The following ARHGEF3 variants were observed in gnomAD, a reference collection of about 807,000 sequenced individuals.
ARHGEF3 encodes the protein Rho guanine nucleotide exchange factor 3, also known as 59.8 kDA protein.
ARHGEF3 carries 28 observed loss-of-function variants against 63.2 expected under a neutral mutation model. That is an observed-to-expected ratio of 0.44 (90% CI 0.33 to 0.61). The LOEUF (loss-of-function observed/expected upper bound fraction) is 0.61. Ranked by LOEUF, ARHGEF3 falls within the 20% of genes least tolerant of loss-of-function variation. The probability of loss-of-function intolerance (pLI) is 0.03; values close to 1 mark genes in which losing one functional copy is unlikely to be tolerated. For synonymous variants in ARHGEF3, 266 were observed against 254.2 expected (o/e 1.05, Z -0.44); for missense variants, 533 against 659.3 (o/e 0.81, Z 2.10).
rs145815721 is a variant in ARHGEF3 at position 57,048,086 on chromosome 3, G to A, written c.-27-12910C>T. Among the ~76,000 whole-genome samples the A allele has an allele frequency of 2.1e-3, 318 of 152,138 alleles. 2 individuals carry two copies. The highest frequency in any genetic ancestry group is 7.2e-3 in the African/African-American group (300 of 41,508). On this transcript the variant is annotated intron_variant, in intron 1 of 12. Transcript: ENST00000338458. ...CCCCTTCCTGCTGGCCCAGACACGC[G>A]CTGGCCTTCAGAGGATCCAGGTCTT...
intron 3 of ARHGEF3, among the ~76,000 whole-genome samples, chr3:56,944,791 T>C (rs1405529364): frequency 6.6e-6 from 1 of 151,734 alleles, no homozygotes; most frequent in East Asian, 1.9e-4. Flanking sequence ...GCTGGCCAGG[T>C]TGGCCTTGAA....
Position 56,959,434 on chromosome 3 carries a change from A to AG in ARHGEF3, c.63-546dup, listed in dbSNP as rs201947682. On this transcript the variant is annotated intron_variant, in intron 2 of 12. Transcript: ENST00000338458. ...GAATCAATTTCCTTAGAGGCAGTGG[A>AG]GGCAGCTTCAAGACAGACCAGCACA... is the stretch of plus-strand genomic sequence containing the variant. Among the ~76,000 whole-genome samples the AG allele has an allele frequency of 1.7e-3, 256 of 152,316 alleles. 3 individuals are homozygous for AG. In the East Asian group the frequency reaches 0.027, roughly 16 times the overall value.
At chr3:56,864,730 C>T (rs2040185971) in intron 4 of ARHGEF3, among the ~76,000 whole-genome samples, 1 of 152,064 alleles carries the variant, frequency 6.6e-6, no homozygotes, top group Admixed American at 6.6e-5. Flanking sequence ...CCTCAAGGAC[C>T]TTACAGTTTA....
At chr3:57,007,522 G>A (rs998752023) in intron 2 of ARHGEF3, among the ~76,000 whole-genome samples, 32 of 152,284 alleles carry the variant, frequency 2.1e-4, no homozygotes, top group Non-Finnish European at 4.3e-4. Context: ...TTGCTCACAG[G>A]GGATGGATGC....
intron 1 of ARHGEF3, among the ~76,000 whole-genome samples, chr3:57,065,222 G>T (rs1295451663): frequency 1.3e-5 from 2 of 152,220 alleles, no homozygotes; most frequent in African/African-American, 2.4e-5. Flanking sequence ...AGCACTTCGG[G>T]AGGCCGAGGC....
chr3:56,965,939 C>T (rs1483970363), intron 2 of ARHGEF3, among the ~76,000 whole-genome samples: 5 of 151,748 alleles, frequency 3.3e-5, no homozygotes, highest in South Asian at 2.1e-4. Flanking sequence ...TGAGCCACTG[C>T]GCCTGGCCAC....
chr3:56,856,852 T>G (rs1308789403), intron 4 of ARHGEF3, among the ~76,000 whole-genome samples: 1 of 152,014 alleles, frequency 6.6e-6, no homozygotes, highest in Non-Finnish European at 1.5e-5. Flanking sequence ...ATGAACCAAC[T>G]TACTCTTCAT....
chr3:56,841,852 A>C (rs559754082), intron 4 of ARHGEF3, among the ~76,000 whole-genome samples: 1 of 152,298 alleles, frequency 6.6e-6, no homozygotes, highest in South Asian at 2.1e-4. Context: ...AAATTCCCAA[A>C]ACAAGAAGTT....
At position 56,994,064 on chromosome 3, in the gene ARHGEF3, CAAAAAAAA is replaced by C. The variant is rs60299557; in HGVS notation, c.63-35183_63-35176del. 2.8e-4 allele frequency among the ~76,000 whole-genome samples: 17 copies of C among 59,732 alleles called. 2 individuals carry two copies. The highest frequency in any genetic ancestry group is 4.4e-4 in the East Asian group (1 of 2,258). The allele number at this position is 59,732 out of a possible 152,430, so 39.2% of individuals were successfully genotyped here. A position where few individuals can be genotyped will look rare whatever the true frequency, so the allele number is the denominator to read the frequency against. On this transcript the variant is annotated intron_variant, in intron 2 of 12. Transcript: ENST00000338458. ...GGGCGACAAGAGTGAAACTTCGTCT[CAAAAAAAA>C]AAAAAAAAAAAAAGCACACTGTAGA...
chr3:56,860,431 C>T (rs1458846055), intron 4 of ARHGEF3, among the ~76,000 whole-genome samples: 2 of 152,182 alleles, frequency 1.3e-5, no homozygotes, highest in East Asian at 3.8e-4. Context: ...AGTCCTTCCA[C>T]CTCAGCCTCC....
intron 2 of ARHGEF3, among the ~76,000 whole-genome samples, chr3:57,016,363 G>C (rs1703001368): frequency 6.9e-6 from 1 of 143,914 alleles, no homozygotes; most frequent in African/African-American, 2.7e-5. Context: ...TCAAGATAGT[G>C]AAACCCTGTC....
intron 4 of ARHGEF3, among the ~76,000 whole-genome samples, chr3:56,854,023 G>A (rs552451295): frequency 2.3e-4 from 35 of 152,158 alleles, no homozygotes; most frequent in Non-Finnish European, 3.2e-4. Context: ...GTGAAACCCC[G>A]TCTCTACTAA....
intron 2 of ARHGEF3, among the ~76,000 whole-genome samples, chr3:56,990,185 G>C (rs192299798): frequency 6.6e-4 from 100 of 152,336 alleles, no homozygotes; most frequent in Middle Eastern, 3.4e-3. Flanking sequence ...GACAGAGAGA[G>C]AAAAGAGAAT....
intron 3 of ARHGEF3, among the ~76,000 whole-genome samples, chr3:56,893,688 C>A (rs1464801507): frequency 6.6e-6 from 1 of 151,948 alleles, no homozygotes; most frequent in Non-Finnish European, 1.5e-5. Context: ...CCCCTGTAGA[C>A]CCAGCTACTC....
At chr3:56,974,222 G>A (rs895183918) in intron 2 of ARHGEF3, among the ~76,000 whole-genome samples, 1 of 152,136 alleles carries the variant, frequency 6.6e-6, no homozygotes, top group East Asian at 1.9e-4. Flanking sequence ...GACATCTGCA[G>A]CCAAATGGTA....
chr3:57,040,287 C>G (rs945970394), intron 1 of ARHGEF3, among the ~76,000 whole-genome samples: 2 of 151,934 alleles, frequency 1.3e-5, no homozygotes, highest in African/African-American at 4.8e-5. Flanking sequence ...ACCAACCTGG[C>G]TAACATGGTG....
chr3:56,763,442 C>T (rs2035535415), intron 2 of ARHGEF3, among the ~76,000 whole-genome samples: 1 of 152,164 alleles, frequency 6.6e-6, no homozygotes, highest in African/African-American at 2.4e-5. Flanking sequence ...GAAAAGCCCT[C>T]AGCAGGACAC....
At chr3:56,872,629 C>G (rs1490965437) in intron 4 of ARHGEF3, among the ~76,000 whole-genome samples, 1 of 151,886 alleles carries the variant, frequency 6.6e-6, no homozygotes. Context: ...CCTGCCTCAG[C>G]CTCCCGAGTA....
intron 7 of ARHGEF3, among the ~76,000 whole-genome samples, chr3:56,744,087 C>G (rs2034224034): frequency 6.6e-6 from 1 of 152,146 alleles, no homozygotes; most frequent in African/African-American, 2.4e-5. Context: ...AGATCTGAAC[C>G]CACATCCTCT....
Sources: gnomAD v4.1 joint callset for allele counts (sites outside exome capture counted in the v4.1 genomes callset) on GRCh38, gnomAD v4.1.1 for gene constraint, MANE v1.5 for transcripts, NCBI Gene and HGNC (gene_info 2026-07-23, HGNC 2026-07-21) for gene names.